SYS1: variants seen among roughly 807,000 people sequenced by gnomAD.
SYS1 encodes the protein SYS1 golgi trafficking protein.
SYS1 carries 8 observed loss-of-function variants against 17.8 expected under a neutral mutation model. The observed-to-expected ratio is 0.45, with a 90% CI of 0.26 to 0.81. SYS1 has a LOEUF of 0.81. Ranked by LOEUF, SYS1 falls within the 40% of genes least tolerant of loss-of-function variation. The pLI is 0.16. For missense variants in SYS1, 161 were observed against 203.9 expected (o/e 0.79, Z 1.28); for synonymous variants, 95 against 90.9 (o/e 1.05, Z -0.26).
downstream of SYS1, chr20:45,374,139 A>G (rs550744370): frequency 1.2e-4 from 98 of 829,274 alleles, no homozygotes; most frequent in East Asian, 2.2e-3. Context: ...GCTAAAAAGG[A>G]AAAGCCTCCC....
chr20:45,375,605 C>G, exon 4 of SYS1: 1 of 1,549,834 alleles, frequency 6.5e-7, no homozygotes, highest in Non-Finnish European at 8.6e-7. Flanking sequence ...CCCTGGTTCC[C>G]GAGACAGTTG....
At chr20:45,363,490 G>A in intron 1 of SYS1, 39 bp from the exon 2 acceptor site, 1 of 1,555,778 alleles carries the variant, frequency 6.4e-7, no homozygotes, top group Non-Finnish European at 8.7e-7. Flanking sequence ...TTGCCATGGA[G>A]ACAGGCCGCT....
downstream of SYS1, chr20:45,373,726 G>A: frequency 1.6e-6 from 1 of 611,714 alleles, no homozygotes; most frequent in Non-Finnish European, 2.9e-6. Context: ...GTGGGGGAGG[G>A]GTGCTGCTCG....
At chr20:45,375,124 C>G in exon 4 of SYS1, 1 of 1,614,112 alleles carries the variant, frequency 6.2e-7, no homozygotes, top group Non-Finnish European at 8.5e-7. Context: ...GGTGGAGGAT[C>G]TGCACATCAC....
exon 4 of SYS1, chr20:45,375,673 C>G (rs1428187024): frequency 2.4e-5 from 30 of 1,246,826 alleles, no homozygotes; most frequent in Non-Finnish European, 3.3e-5. Context: ...TGCAAAGAAA[C>G]TTCTCTACTG....
rs781676698 is a variant in SYS1, at chr20:45,375,074, C to T, written c.*780C>T. On this transcript the variant is annotated 3_prime_UTR_variant, in exon 4 of 4. Coordinates refer to the SYS1 transcript ENST00000426004. ...TGCCACATAGGCATTTCAAGTGATG[C>T]GGAGCAGAAGCGGGTGCAGCGGCGC... The T allele has an allele frequency of 8.1e-6, 13 of 1,613,830 alleles. No individual in the cohort carries two copies. Among genetic ancestry groups the T allele is most frequent in the South Asian group, 1.1e-5 (1 of 91,064 alleles).
chr20:45,365,322 G>A lies in SYS1; in HGVS notation c.163-297G>A, dbSNP rs116003480. The A allele has an allele frequency of 2.1e-3, 944 of 458,198 alleles. 6 individuals are homozygous for A. Among genetic ancestry groups the A allele is most frequent in the African/African-American group, 0.017 (835 of 50,590 alleles). The allele number at this position is 458,198 out of a possible 1,614,324, so 28.4% of individuals were successfully genotyped here. A position where few individuals can be genotyped will look rare whatever the true frequency, so the allele number is the denominator to read the frequency against. ...CCTATGGAGCCATAGTCAGCTGAAC[G>A]CTGTTCTAGACTTTACTCTTGTTGT... On this transcript the variant is annotated intron_variant, in intron 2 of 3. Coordinates refer to ENST00000243918, the MANE Select transcript of SYS1 (RefSeq NM_033542.4).
Position 45,367,421 on chromosome 20 carries a change from T to C in SYS1, c.*306T>C. 8.4e-7 allele frequency: 1 copy of C among 1,193,650 alleles called. No homozygotes were observed. Among genetic ancestry groups the C allele is most frequent in the Non-Finnish European group, 1.0e-6 (1 of 955,198 alleles). 73.9% of individuals were successfully genotyped at this position (1,193,650 alleles called of 1,614,324 possible). Reference sequence around the variant, plus strand: ...GCCACAATACCTGTCACCAGCCTGTTGTTTTAAGAGAGAAAAAAAATCAAG... The same window carrying C: ...GCCACAATACCTGTCACCAGCCTGTCGTTTTAAGAGAGAAAAAAAATCAAG... On this transcript the variant is annotated 3_prime_UTR_variant, in exon 4 of 4. Coordinates refer to ENST00000243918, the MANE Select transcript of SYS1 (RefSeq NM_033542.4).
At chr20:45,375,055 A>G (rs1988682595) in exon 4 of SYS1, 9 of 1,613,874 alleles carry the variant, frequency 5.6e-6, no homozygotes, top group Non-Finnish European at 7.6e-6. Context: ...TGGATGCCAC[A>G]TAGGCATTTC....
chr20:45,375,226 G>A, exon 4 of SYS1: 6 of 1,614,216 alleles, frequency 3.7e-6, no homozygotes, highest in Non-Finnish European at 5.1e-6. Context: ...CCCCATGGGA[G>A]TTCTATTGCG....
rs1432173532 is a variant in SYS1, at chr20:45,368,049, T to C, written c.*934T>C. 4 of 985,388 alleles carry C rather than the reference T, an allele frequency of 4.1e-6. No homozygotes were observed. The African/African-American group carries it at 5.2e-5, about 13-fold the overall frequency. 61.0% of individuals were successfully genotyped at this position (985,388 alleles called of 1,614,324 possible). ...TTGCTGCTAAGATTTTTCTTTGGGGTGGAGTTTCCTCTGTGAGGGGCTTGC... is the reference window on the plus strand; with the variant it reads ...TTGCTGCTAAGATTTTTCTTTGGGGCGGAGTTTCCTCTGTGAGGGGCTTGC... On this transcript the variant is annotated 3_prime_UTR_variant, in exon 4 of 4. Transcript: ENST00000243918.
chr20:45,363,747 G>T, intron 2 of SYS1, 54 bp downstream of exon 2: 2 of 1,525,488 alleles, frequency 1.3e-6, no homozygotes, highest in Non-Finnish European at 8.8e-7. Context: ...AGTAGGCTTT[G>T]TGGTCCATCA....
rs1988300432 is a variant in SYS1 at position 45,363,641 on chromosome 20, T to C, written c.110T>C (p.Val37Ala). The C allele has an allele frequency of 4.4e-6, 7 of 1,579,512 alleles. No individual in the cohort carries two copies. The highest frequency in any genetic ancestry group is 6.0e-6 in the Non-Finnish European group (7 of 1,164,078). Residue 37 changes from valine (V) to alanine (A), a missense_variant, in exon 2 of 4, where the codon GTG becomes GCG. Coordinates refer to ENST00000243918, the MANE Select transcript of SYS1 (RefSeq NM_033542.4). ...YGSLGLWLAL[V>A]DGLVRSSPSL... The stretch of plus-strand genomic sequence containing the variant: ...TCGCTGGGCCTGTGGCTGGCGCTGG[T>C]GGACGGGCTAGTGCGAAGCAGCCCC...
intron 3 of SYS1, 124 bp from the exon 4 acceptor site, chr20:45,366,751 C>A: frequency 1.3e-6 from 1 of 797,224 alleles, no homozygotes; most frequent in Non-Finnish European, 2.1e-6. Flanking sequence ...GTATCATAAC[C>A]CTTGCTTCAC....
At chr20:45,373,473 T>G, downstream of SYS1, 1 of 218,612 alleles carries the variant, frequency 4.6e-6, no homozygotes, top group Non-Finnish European at 9.3e-6. Context: ...GCCTGCCTCG[T>G]GACTTCTGAG....
downstream of SYS1, chr20:45,374,179 C>G (rs1272479746): frequency 1.2e-5 from 8 of 678,424 alleles, no homozygotes; most frequent in South Asian, 4.9e-5. Flanking sequence ...GCACTCACCC[C>G]CTTCCTTTCG....
At chr20:45,371,554 G>A (rs892249670), downstream of SYS1, among the ~76,000 whole-genome samples, 2 of 152,198 alleles carry the variant, frequency 1.3e-5, no homozygotes, top group Admixed American at 1.3e-4. Context: ...AGAGGATTGG[G>A]AGTAAACAAC....
At chr20:45,375,419 TC>T in exon 4 of SYS1, 1 of 1,614,198 alleles carries the variant, frequency 6.2e-7, no homozygotes, top group Non-Finnish European at 8.5e-7. Flanking sequence ...ACCTGGGACT[TC>T]CACTCCTTGT....
upstream of SYS1, among the ~76,000 whole-genome samples, chr20:45,362,392 G>A (rs1168405032): frequency 5.9e-5 from 9 of 151,578 alleles, no homozygotes; most frequent in East Asian, 1.5e-3. Flanking sequence ...TAGAGACGGA[G>A]TTTTGCTCTT....
Sources: allele counts gnomAD v4.1 joint callset (sites outside exome capture counted in the v4.1 genomes callset), GRCh38; gene constraint gnomAD v4.1.1; transcripts MANE v1.5; gene names NCBI Gene and HGNC (gene_info 2026-07-23, HGNC 2026-07-21).